The following TRERF1 variants were observed in gnomAD, a reference collection of about 807,000 sequenced individuals.
The protein encoded by TRERF1 is transcriptional regulating factor 1.
A neutral mutation model predicts 122.9 loss-of-function variants in TRERF1; 27 were observed. The ratio of observed to expected loss-of-function variants is 0.22; its 90% CI spans 0.16 to 0.30. The LOEUF is 0.30. TRERF1 is among the 10% of genes least tolerant of loss of function. The pLI, the probability that TRERF1 is intolerant of heterozygous loss-of-function variation, is 1.00. For synonymous variants in TRERF1, 636 were observed against 641.7 expected (o/e 0.99, Z 0.13); for missense variants, 1,248 against 1,560.3 (o/e 0.80, Z 3.37).
chr6:42,261,174 G>GC (rs922909019), intron 8 of TRERF1, among the ~76,000 whole-genome samples: 101 of 151,894 alleles, frequency 6.6e-4, no homozygotes, highest in African/African-American at 2.1e-3. Context: ...GGAGGCCTGT[G>GC]CCCCCCCCAA....
chr6:42,314,924 G>T (rs1405039933), intron 3 of TRERF1, among the ~76,000 whole-genome samples: 1 of 152,212 alleles, frequency 6.6e-6, no homozygotes, highest in Non-Finnish European at 1.5e-5. Context: ...GGAGCGAATA[G>T]GTTGGTCGCA....
At position 42,268,839 on chromosome 6, in the gene TRERF1, A is replaced by G. The variant is rs1779714656; in HGVS notation, c.752T>C (p.Leu251Pro). 9 of 1,614,012 alleles carry G rather than the reference A, an allele frequency of 5.6e-6. No homozygotes were observed. Among genetic ancestry groups the G allele is most frequent in the Admixed American group, 3.3e-5 (2 of 60,010 alleles). Residue 251 changes from leucine (L) to proline (P), a missense_variant, in exon 5 of 18, where the codon CTG becomes CCG. Transcript: ENST00000372922. The surrounding 1 kb of genome is among the most constrained non-coding windows in gnomAD (Gnocchi z 4.4). ...CTGTGACAGCATCTGTGGGGCCTGC[A>G]GTGGCTGTCCTCCCTGCACTGGCAC...
At chr6:42,445,514 A>T (rs1464198549) in intron 2 of TRERF1, among the ~76,000 whole-genome samples, 2 of 152,012 alleles carry the variant, frequency 1.3e-5, no homozygotes, top group Non-Finnish European at 2.9e-5. Context: ...ATCTCGTGCT[A>T]GGTGGTAGAT....
chr6:42,345,806 T>C (rs566584090), intron 3 of TRERF1, among the ~76,000 whole-genome samples: 44 of 152,318 alleles, frequency 2.9e-4, no homozygotes, highest in African/African-American at 9.9e-4. Context: ...CCTGCCCTCC[T>C]TCTCCATTCT....
At chr6:42,338,177 C>A (rs537019427) in intron 3 of TRERF1, among the ~76,000 whole-genome samples, 4 of 152,174 alleles carry the variant, frequency 2.6e-5, no homozygotes, top group African/African-American at 9.7e-5. Context: ...CAATACCAAA[C>A]GACCAAAAGC....
rs925797598 is a variant in TRERF1, at chr6:42,269,208, C to T, written c.383G>A (p.Ser128Asn). 4 of 1,614,110 alleles carry T rather than the reference C, an allele frequency of 2.5e-6. 1 individual carries two copies. Among genetic ancestry groups the T allele is most frequent in the African/African-American group, 2.7e-5 (2 of 74,926 alleles). ...GGTAAGCTTCTGGGTCCGGATCTCGCTGGCCTGGGAGTAGGTGTATTGGTA... is the reference window on the plus strand; with the variant it reads ...GGTAAGCTTCTGGGTCCGGATCTCGTTGGCCTGGGAGTAGGTGTATTGGTA... Residue 128 changes from serine to asparagine, a missense_variant, in exon 5 of 18, where the codon AGC becomes AAC. Ser to Asn is a conservative substitution (Grantham distance 46). Transcript: ENST00000372922. This position sits in a 1 kb window ranked among gnomAD's most constrained non-coding sequence, Gnocchi z 4.9.
At chr6:42,285,416 T>A (rs1208456996) in intron 4 of TRERF1, among the ~76,000 whole-genome samples, 1 of 152,112 alleles carries the variant, frequency 6.6e-6, no homozygotes, top group Admixed American at 6.5e-5. Flanking sequence ...TATACAATCA[T>A]GTCGTCTGCA....
intron 3 of TRERF1, among the ~76,000 whole-genome samples, chr6:42,317,297 A>C (rs1762657705): frequency 6.6e-6 from 1 of 152,010 alleles, no homozygotes; most frequent in African/African-American, 2.4e-5. Flanking sequence ...GGAAGGAAGA[A>C]CCTGTTGGGT....
chr6:42,431,247 T>C (rs567242554), intron 2 of TRERF1, among the ~76,000 whole-genome samples: 2 of 151,900 alleles, frequency 1.3e-5, no homozygotes, highest in South Asian at 2.1e-4. Flanking sequence ...CTACTTAACA[T>C]ATATATAACT....
chr6:42,449,429 AGCCT>A (rs1419699197), intron 2 of TRERF1, among the ~76,000 whole-genome samples: 43 of 151,958 alleles, frequency 2.8e-4, no homozygotes, highest in Admixed American at 2.3e-3. Flanking sequence ...TGGGCCTTCA[AGCCT>A]TTATTACCGC....
chr6:42,371,504 C>T (rs1773750522), intron 2 of TRERF1, among the ~76,000 whole-genome samples: 1 of 152,158 alleles, frequency 6.6e-6, no homozygotes, highest in Non-Finnish European at 1.5e-5. Flanking sequence ...GTAGCGGTTC[C>T]CGAGGCCAAG....
chr6:42,342,956 G>T (rs1031051751), intron 3 of TRERF1, among the ~76,000 whole-genome samples: 1 of 152,106 alleles, frequency 6.6e-6, no homozygotes, highest in African/African-American at 2.4e-5. Flanking sequence ...CCCATCCAAG[G>T]CCTCTCTGGG....
intron 3 of TRERF1, among the ~76,000 whole-genome samples, chr6:42,309,355 G>A (rs552046322): frequency 9.2e-5 from 14 of 152,278 alleles, no homozygotes; most frequent in Middle Eastern, 6.8e-3. Flanking sequence ...TCAGAGAGGC[G>A]AAGTAAAGGG....
At chr6:42,397,373 C>T (rs1778776574) in intron 2 of TRERF1, among the ~76,000 whole-genome samples, 1 of 152,174 alleles carries the variant, frequency 6.6e-6, no homozygotes, top group South Asian at 2.1e-4. Flanking sequence ...TCGGGATGTA[C>T]TGTAGAATGA....
intron 4 of TRERF1, among the ~76,000 whole-genome samples, chr6:42,298,595 A>G (rs1362547226): frequency 6.7e-6 from 1 of 148,796 alleles, no homozygotes; most frequent in Non-Finnish European, 1.5e-5. Context: ...ACTGGAGGTC[A>G]GGAGTTCGAG....
At chr6:42,425,553 T>C (rs1783512778) in intron 2 of TRERF1, among the ~76,000 whole-genome samples, 1 of 130,344 alleles carries the variant, frequency 7.7e-6, no homozygotes, top group African/African-American at 3.2e-5. Flanking sequence ...TTTTTTTTTT[T>C]TTTTTTTTGA....
chr6:42,335,859 T>C (rs1049894285), intron 3 of TRERF1, among the ~76,000 whole-genome samples: 9 of 152,206 alleles, frequency 5.9e-5, no homozygotes, highest in African/African-American at 2.2e-4. Context: ...GGCTTGACAT[T>C]ATTTACTTGC....
chr6:42,312,933 C>T (rs115505296), intron 3 of TRERF1, among the ~76,000 whole-genome samples: 47 of 152,332 alleles, frequency 3.1e-4, no homozygotes, highest in Non-Finnish European at 5.9e-4. Flanking sequence ...ACTAGAGCCA[C>T]CAGCCTTTTG....
At chr6:42,444,007 C>T (rs1194857042) in intron 2 of TRERF1, among the ~76,000 whole-genome samples, 1 of 152,098 alleles carries the variant, frequency 6.6e-6, no homozygotes, top group Non-Finnish European at 1.5e-5. Context: ...TGTAGAGAGG[C>T]TCGGAGGTCG....
Sources: allele counts gnomAD v4.1 joint callset (sites outside exome capture counted in the v4.1 genomes callset), GRCh38; gene constraint gnomAD v4.1.1; non-coding constraint Gnocchi (gnomAD v3.1); transcripts MANE v1.5; gene names NCBI Gene and HGNC (gene_info 2026-07-23, HGNC 2026-07-21).